PGM2L1: variants seen among roughly 807,000 people sequenced by gnomAD.
The protein encoded by PGM2L1 is phosphoglucomutase 2 like 1, also known as glucose 1,6-bisphosphate synthase.
In PGM2L1, 35 loss-of-function variants were observed where a neutral mutation model predicts 73.4. The observed-to-expected ratio is 0.48, with a 90% CI of 0.36 to 0.63. The LOEUF is 0.63. Ranked by LOEUF, PGM2L1 falls within the 30% of genes least tolerant of loss-of-function variation. The pLI, the probability that PGM2L1 is intolerant of heterozygous loss-of-function variation, is 0.00. For missense variants in PGM2L1, 570 were observed against 742.0 expected, an observed-to-expected ratio of 0.77 and a Z score of 2.69; for synonymous variants, 225 against 253.8, an observed-to-expected ratio of 0.89 and a Z score of 1.08.
At chr11:74,350,889 AAGAAAGAAAGAGAGAGAGAG>A (rs1474357797) in intron 6 of PGM2L1, among the ~76,000 whole-genome samples, 1 of 129,532 alleles carries the variant, frequency 7.7e-6, no homozygotes, top group Non-Finnish European at 1.7e-5. Context: ...AAAAAAAGGA[AAGAAAGAAAGAGAGAGAGAG>A]AGAGAGAGAA....
Position 74,368,595 on chromosome 11 carries a change from ATAATTCCATTTTGCT to A in PGM2L1, c.472-35_472-21del. 3 of 1,601,340 alleles carry A rather than the reference ATAATTCCATTTTGCT, an allele frequency of 1.9e-6. No individual in the cohort carries two copies. The South Asian group carries it at 3.3e-5, about 18-fold the overall frequency. ...ATATGGCTGAAAAATAAATAACACCATAATTCCATTTTGCTTCCTAGCTATTTACACATTTGACAT... is the reference window on the plus strand; with the variant it reads ...ATATGGCTGAAAAATAAATAACACCATCCTAGCTATTTACACATTTGACAT... On this transcript the variant is annotated intron_variant, in intron 4 of 13. Transcript: ENST00000298198.
At position 74,345,539 on chromosome 11, in the gene PGM2L1, T is replaced by A; in HGVS notation, c.1148A>T (p.Tyr383Phe). 1 of 1,613,536 alleles carries A rather than the reference T, an allele frequency of 6.2e-7. No individual in the cohort carries two copies. Among genetic ancestry groups the A allele is most frequent in the East Asian group, 2.2e-5 (1 of 44,852 alleles). ...KSRNADVKNV[Y>F]MLATTVSSKI... ...AGAAGAGACTGTGGTGGCTAACATATAAACGTTCTTCACATCAGCATTTCT... is the reference window on the plus strand; with the variant it reads ...AGAAGAGACTGTGGTGGCTAACATAAAAACGTTCTTCACATCAGCATTTCT... Residue 383 changes from tyrosine (Y) to phenylalanine (F), a missense_variant, in exon 9 of 14, where the codon TAT becomes TTT. By Grantham distance (22) the Tyr-to-Phe change is conservative. Coordinates refer to ENST00000298198, the MANE Select transcript of PGM2L1 (RefSeq NM_173582.6).
At chr11:74,343,542 GATTTATACAGTAGCAGACAT>G in intron 9 of PGM2L1, 126 bp from the exon 10 acceptor site, 1 of 1,355,868 alleles carries the variant, frequency 7.4e-7, no homozygotes, top group South Asian at 1.5e-5. Context: ...AGTCCACAAA[GATTTATACAGTAGCAGACAT>G]ATAGTAATGA....
At chr11:74,341,094 TTC>T in intron 12 of PGM2L1, among the ~76,000 whole-genome samples, 1 of 152,328 alleles carries the variant, frequency 6.6e-6, no homozygotes, top group Non-Finnish European at 1.5e-5. Flanking sequence ...CTTGCCCATT[TTC>T]TCTTTTTCTT....
intron 1 of PGM2L1, among the ~76,000 whole-genome samples, chr11:74,389,986 AC>A (rs1388556767): frequency 7.9e-6 from 1 of 126,458 alleles, no homozygotes; most frequent in East Asian, 2.3e-4. Flanking sequence ...AGGCGTGGTG[AC>A]GGGCGCCTGT....
At chr11:74,343,526 G>A in intron 9 of PGM2L1, 110 bp from the exon 10 acceptor site, 1 of 1,452,744 alleles carries the variant, frequency 6.9e-7, no homozygotes, top group Non-Finnish European at 9.1e-7. Context: ...CCTTACTATA[G>A]TCTTCAGTCC....
intron 1 of PGM2L1, among the ~76,000 whole-genome samples, chr11:74,388,065 T>A (rs1863041506): frequency 6.6e-6 from 1 of 152,208 alleles, no homozygotes; most frequent in African/African-American, 2.4e-5. Context: ...GAGGGCCAAA[T>A]ACTGCATGAT....
Position 74,351,417 on chromosome 11 carries a change from A to T in PGM2L1, c.715T>A (p.Tyr239Asn). 1 of 1,613,882 alleles carries T rather than the reference A, an allele frequency of 6.2e-7. No homozygotes were observed. Among genetic ancestry groups the T allele is most frequent in the Non-Finnish European group, 8.5e-7 (1 of 1,179,978 alleles). Residue 239 changes from tyrosine to asparagine, a missense_variant, in exon 6 of 14, where the codon TAC (tyrosine) becomes AAC (asparagine). By Grantham distance (143) the Tyr-to-Asn change is moderately radical. Coordinates refer to ENST00000298198, the MANE Select transcript of PGM2L1 (RefSeq NM_173582.6). ...CAGATCTTTTTCAGATCTTCCATGT[A>T]TCTCCTGCAAATGTCCTGCAGAGGG... ...RDPLQDICRR[Y>N]MEDLKKICFY...
At chr11:74,385,062 T>G (rs773739827) in intron 1 of PGM2L1, among the ~76,000 whole-genome samples, 5 of 152,240 alleles carry the variant, frequency 3.3e-5, no homozygotes, top group Non-Finnish European at 5.9e-5. Context: ...AATTTCCTTC[T>G]TCTTCCAAAT....
intron 1 of PGM2L1, among the ~76,000 whole-genome samples, chr11:74,383,966 T>C (rs1309762594): frequency 1.3e-5 from 2 of 151,844 alleles, no homozygotes; most frequent in Non-Finnish European, 2.9e-5. Flanking sequence ...TGATTTATAT[T>C]CCTTTGTAAC....
rs1297940990 is a variant in PGM2L1 at position 74,331,266 on chromosome 11, T to TTTTC, written c.*5385_*5386insGAAA. ...GATATGTTCTATGTTTATATATCTT[T>TTTTC]TTTTTTTTTTTTTGAGATGGAGTTT... On this transcript the variant is annotated 3_prime_UTR_variant, in exon 14 of 14. Coordinates refer to ENST00000298198, the MANE Select transcript of PGM2L1 (RefSeq NM_173582.6). 2 of 147,510 alleles carry TTTTC rather than the reference T, an allele frequency of 1.4e-5. No homozygotes were observed. Among genetic ancestry groups the TTTTC allele is most frequent in the Non-Finnish European group, 1.5e-5 (1 of 66,474 alleles). 9.1% of individuals were successfully genotyped at this position (147,510 alleles called of 1,614,324 possible).
chr11:74,363,105 C>T (rs1238228363), intron 5 of PGM2L1, among the ~76,000 whole-genome samples: 1 of 152,168 alleles, frequency 6.6e-6, no homozygotes, highest in Non-Finnish European at 1.5e-5. Context: ...CACTCAACTA[C>T]ATGGAAACTG....
rs567610048 is a variant in PGM2L1, at chr11:74,397,932, C to T, written c.111+119G>A. ...TGGGTGGCAACGCCCTGCTCCGCTG[C>T]CCCCCGCTCGGTGTCCCGAGCCATC... On this transcript the variant is annotated intron_variant, in intron 1 of 13. Coordinates refer to ENST00000298198, the MANE Select transcript of PGM2L1 (RefSeq NM_173582.6). The T allele has an allele frequency of 9.5e-6, 13 of 1,375,608 alleles. No homozygotes were observed. The East Asian group carries it at 3.3e-4, about 35-fold the overall frequency. The allele number at this position is 1,375,608 out of a possible 1,614,324, so 85.2% of individuals were successfully genotyped here. A position where few individuals can be genotyped will look rare whatever the true frequency, so the allele number is the denominator to read the frequency against.
intron 1 of PGM2L1, among the ~76,000 whole-genome samples, chr11:74,377,291 G>A (rs527349): frequency 6.6e-6 from 1 of 151,836 alleles, no homozygotes; most frequent in Non-Finnish European, 1.5e-5. Flanking sequence ...CCGCCACCAC[G>A]CCCAGCTAAT....
At chr11:74,356,641 T>C (rs949299777) in intron 5 of PGM2L1, among the ~76,000 whole-genome samples, 5 of 152,122 alleles carry the variant, frequency 3.3e-5, no homozygotes, top group Non-Finnish European at 7.4e-5. Context: ...AAAAATATCA[T>C]AAATAAAGTC....
chr11:74,362,829 C>A (rs915104417), intron 5 of PGM2L1, among the ~76,000 whole-genome samples: 2 of 152,114 alleles, frequency 1.3e-5, no homozygotes, highest in African/African-American at 4.8e-5. Flanking sequence ...GACAGATCAA[C>A]GAGACAGAAA....
At position 74,398,105 on chromosome 11, in the gene PGM2L1, G is replaced by A. The variant is rs141340021; in HGVS notation, c.57C>T (p.His19=). 1.2e-6 allele frequency: 2 copies of A among 1,613,258 alleles called. No homozygotes were observed. The highest frequency in any genetic ancestry group is 3.3e-5 in the Admixed American group (2 of 59,964). ...LNSNLLHAPY[H]TGDPQLDTAI... ...CCGTGTCCAGCTGAGGGTCCCCGGT[G>A]TGGTAGGGGGCGTGGAGCAGGTTGG... Residue 19 remains histidine, a synonymous_variant, in exon 1 of 14, where the codon CAC becomes CAT. Coordinates refer to ENST00000298198, the MANE Select transcript of PGM2L1 (RefSeq NM_173582.6).
intron 1 of PGM2L1, among the ~76,000 whole-genome samples, chr11:74,386,385 T>C (rs1477764867): frequency 6.6e-6 from 1 of 152,004 alleles, no homozygotes; most frequent in Admixed American, 6.6e-5. Flanking sequence ...GTCAAGAATT[T>C]GAGAAAGCAG....
rs1311620294 is a variant in PGM2L1 at position 74,385,500 on chromosome 11, C to G, written c.112-10918G>C. 2.6e-5 allele frequency among the ~76,000 whole-genome samples: 4 copies of G among 152,116 alleles called. No homozygotes were observed. The South Asian group carries it at 8.3e-4, about 32-fold the overall frequency. On this transcript the variant is annotated intron_variant, in intron 1 of 13. Coordinates refer to ENST00000298198, the MANE Select transcript of PGM2L1 (RefSeq NM_173582.6). ...TATTTATTGACTTTGGAATCTAACT[C>G]CTAAGTAAGACAAGACTCCATTATA...
Sources: allele counts gnomAD v4.1 joint callset (sites outside exome capture counted in the v4.1 genomes callset), GRCh38; gene constraint gnomAD v4.1.1; transcripts MANE v1.5; gene names NCBI Gene and HGNC (gene_info 2026-07-23, HGNC 2026-07-21).